HS3ST4: variants seen among roughly 807,000 people sequenced by gnomAD.
The protein encoded by HS3ST4 is heparan sulfate glucosamine 3-O-sulfotransferase 4.
HS3ST4 carries 17 observed loss-of-function variants against 29.2 expected under a neutral mutation model. The observed-to-expected ratio is 0.58, with a 90% confidence interval of 0.40 to 0.87. HS3ST4 has a LOEUF of 0.87. Ranked by LOEUF, HS3ST4 falls within the 40% of genes least tolerant of loss-of-function variation. The probability of loss-of-function intolerance (pLI) is 0.00; values close to 1 mark genes in which losing one functional copy is unlikely to be tolerated. For missense variants in HS3ST4, 627 were observed against 634.5 expected (o/e 0.99, Z 0.13); for synonymous variants, 314 against 285.7 (o/e 1.10, Z -1.00).
chr16:26,022,607 G>A (rs923949816), intron 1 of HS3ST4, among the ~76,000 whole-genome samples: 2 of 152,076 alleles, frequency 1.3e-5, no homozygotes, highest in Non-Finnish European at 2.9e-5. Context: ...GTACAGACAG[G>A]CAGCAGGTCA....
intron 1 of HS3ST4, among the ~76,000 whole-genome samples, chr16:25,880,302 G>A (rs1967881124): frequency 6.6e-6 from 1 of 152,122 alleles, no homozygotes; most frequent in African/African-American, 2.4e-5. Context: ...TTGTCATTTA[G>A]TGTCCCTCCC....
At chr16:25,753,571 A>G (rs1355473055) in intron 1 of HS3ST4, among the ~76,000 whole-genome samples, 1 of 151,612 alleles carries the variant, frequency 6.6e-6, no homozygotes, top group African/African-American at 2.4e-5. Context: ...AAAGGTGAGG[A>G]AACAGAGGCT....
intron 1 of HS3ST4, among the ~76,000 whole-genome samples, chr16:25,763,929 C>A (rs113003377): frequency 0.011 from 1,627 of 152,192 alleles, 30 homozygotes; most frequent in African/African-American, 0.037. Flanking sequence ...GCCTGGAGAT[C>A]AGTTAAAAAC....
intron 1 of HS3ST4, among the ~76,000 whole-genome samples, chr16:25,717,553 G>A (rs971330171): frequency 1.6e-5 from 2 of 129,014 alleles, no homozygotes; most frequent in Non-Finnish European, 3.3e-5. Context: ...GTGTGTGTGT[G>A]TTTGGCAATC....
At chr16:26,115,622 A>G (rs1475161921) in intron 1 of HS3ST4, among the ~76,000 whole-genome samples, 1 of 152,136 alleles carries the variant, frequency 6.6e-6, no homozygotes. Flanking sequence ...TATCTATCCT[A>G]ACTCAAGGTA....
intron 1 of HS3ST4, among the ~76,000 whole-genome samples, chr16:25,928,829 G>C (rs1036745029): frequency 1.3e-5 from 2 of 152,278 alleles, no homozygotes; most frequent in Non-Finnish European, 2.9e-5. Context: ...TGCAGCCCAA[G>C]CCTCTTCTAC....
At chr16:25,833,485 C>T (rs1480054654) in intron 1 of HS3ST4, among the ~76,000 whole-genome samples, 2 of 152,156 alleles carry the variant, frequency 1.3e-5, no homozygotes, top group African/African-American at 4.8e-5. Context: ...TTAAGTGAGT[C>T]AACCCATGTA....
chr16:25,951,367 G>C (rs1001420066), intron 1 of HS3ST4, among the ~76,000 whole-genome samples: 1 of 152,170 alleles, frequency 6.6e-6, no homozygotes, highest in African/African-American at 2.4e-5. Context: ...TTCTACAATC[G>C]AGTTGATATT....
rs930553139 is a variant in HS3ST4 at position 25,931,272 on chromosome 16, C to T, written c.735-204340C>T. Among the ~76,000 whole-genome samples, 3 of 152,092 alleles carry T rather than the reference C, an allele frequency of 2.0e-5. No homozygotes were observed. In the East Asian group the frequency reaches 5.8e-4, roughly 30 times the overall value. On this transcript the variant is annotated intron_variant, in intron 1 of 1. Transcript: ENST00000331351. ...GAAGGAAGAACAGGAGCAGCCCAGC[C>T]CTGCTGCATTTCTTTTCTACCAGCC...
chr16:25,826,693 G>T (rs1967219820), intron 1 of HS3ST4, among the ~76,000 whole-genome samples: 1 of 152,198 alleles, frequency 6.6e-6, no homozygotes, highest in Non-Finnish European at 1.5e-5. Context: ...AAATGTCTTG[G>T]TGAGGTCAAC....
intron 1 of HS3ST4, among the ~76,000 whole-genome samples, chr16:25,995,715 T>G (rs192548622): frequency 1.3e-5 from 2 of 152,340 alleles, no homozygotes; most frequent in African/African-American, 2.4e-5. Flanking sequence ...TCAGGATACC[T>G]ACTACAGTGA....
At chr16:26,126,496 AT>A (rs1424157286) in intron 1 of HS3ST4, among the ~76,000 whole-genome samples, 1 of 152,150 alleles carries the variant, frequency 6.6e-6, no homozygotes, top group African/African-American at 2.4e-5. Context: ...TTATCATCCC[AT>A]TTTACGTATG....
rs568864588 is a variant in HS3ST4 at position 25,733,793 on chromosome 16, G to A, written c.734+40642G>A. ...GTTAACAGGTGAGTGCAGCAGATGGGGTGTGAGTTAGGCTGGATTCTTTCA... is the reference window on the plus strand; with the variant it reads ...GTTAACAGGTGAGTGCAGCAGATGGAGTGTGAGTTAGGCTGGATTCTTTCA... On this transcript the variant is annotated intron_variant, in intron 1 of 1. Transcript: ENST00000331351. 4.6e-5 allele frequency among the ~76,000 whole-genome samples: 7 copies of A among 152,226 alleles called. No individual in the cohort carries two copies. The South Asian group carries it at 6.2e-4, about 14-fold the overall frequency.
chr16:26,120,235 C>T (rs1337157183), intron 1 of HS3ST4, among the ~76,000 whole-genome samples: 2 of 152,130 alleles, frequency 1.3e-5, no homozygotes, highest in Admixed American at 1.3e-4. Context: ...CATCATTTCT[C>T]CCTCTGTTAT....
chr16:25,762,929 G>A (rs920624229), intron 1 of HS3ST4, among the ~76,000 whole-genome samples: 5 of 146,464 alleles, frequency 3.4e-5, no homozygotes, highest in Admixed American at 6.8e-5. Flanking sequence ...TCAACCAGAA[G>A]GGCCAGGTGC....
chr16:26,093,469 C>G (rs1024256327), intron 1 of HS3ST4, among the ~76,000 whole-genome samples: 1 of 152,200 alleles, frequency 6.6e-6, no homozygotes, highest in African/African-American at 2.4e-5. Context: ...CCCAGGCAAA[C>G]AGGTCTGGAG....
At chr16:25,864,328 A>G (rs558953168) in intron 1 of HS3ST4, among the ~76,000 whole-genome samples, 6 of 118,758 alleles carry the variant, frequency 5.1e-5, no homozygotes, top group South Asian at 2.5e-4. Flanking sequence ...TTTAAGATCT[A>G]TACTTTTAAC....
chr16:25,896,701 A>T (rs35868021), intron 1 of HS3ST4, among the ~76,000 whole-genome samples: 11,765 of 152,246 alleles, frequency 0.077, 597 homozygotes, highest in Non-Finnish European at 0.11. Context: ...CCGTATGTTC[A>T]TTGCAGCGCT....
At chr16:25,903,347 T>C (rs146263854) in intron 1 of HS3ST4, among the ~76,000 whole-genome samples, 2 of 106,664 alleles carry the variant, frequency 1.9e-5, no homozygotes, top group African/African-American at 3.4e-5. Flanking sequence ...ATATATTATA[T>C]ATATGTATAT....
Sources: gnomAD v4.1 joint callset for allele counts (sites outside exome capture counted in the v4.1 genomes callset) on GRCh38, gnomAD v4.1.1 for gene constraint, MANE v1.5 for transcripts, NCBI Gene and HGNC (gene_info 2026-07-23, HGNC 2026-07-21) for gene names.